WDR41: variants seen among roughly 807,000 people sequenced by gnomAD.
WDR41 encodes the protein WD repeat domain 41, also known as WD repeat-containing protein 41.
Under a neutral mutation model 69.3 loss-of-function variants are expected in WDR41, and 63 were observed. The observed-to-expected ratio is 0.91, with a 90% CI of 0.74 to 1.12. The LOEUF (loss-of-function observed/expected upper bound fraction) is 1.12. Ranked by LOEUF, WDR41 falls within the 50% of genes most tolerant of loss-of-function variation. The pLI, the probability that WDR41 is intolerant of heterozygous loss-of-function variation, is 0.00. For synonymous variants in WDR41, 185 were observed against 192.1 expected (o/e 0.96, Z 0.31); for missense variants, 543 against 534.5 (o/e 1.02, Z -0.16).
chr5:77,461,656 T>C (rs1800068524), intron 4 of WDR41, among the ~76,000 whole-genome samples: 1 of 152,038 alleles, frequency 6.6e-6, no homozygotes, highest in African/African-American at 2.4e-5. Context: ...GCCAATATGG[T>C]GAAACCCCGT....
At chr5:77,536,218 A>C (rs1283464532) in intron 1 of WDR41, among the ~76,000 whole-genome samples, 5 of 152,110 alleles carry the variant, frequency 3.3e-5, no homozygotes, top group African/African-American at 1.2e-4. Flanking sequence ...CCTGATGATT[A>C]ATTAGTCATT....
At chr5:77,437,518 G>A (rs141186097) in intron 10 of WDR41, 94 bp from the exon 11 acceptor site, 22 of 1,074,182 alleles carry the variant, frequency 2.0e-5, no homozygotes, top group Middle Eastern at 4.0e-4. Context: ...GCCCTCAACT[G>A]CTTTTATTCA....
chr5:77,494,034 G>T (rs1295710503), upstream of WDR41, among the ~76,000 whole-genome samples: 3 of 152,010 alleles, frequency 2.0e-5, no homozygotes, highest in African/African-American at 7.3e-5. Flanking sequence ...AATAGAAAGG[G>T]TGGGGGTGGA....
At chr5:77,441,689 G>C (rs910889240) in intron 8 of WDR41, among the ~76,000 whole-genome samples, 2 of 152,024 alleles carry the variant, frequency 1.3e-5, no homozygotes, top group Non-Finnish European at 2.9e-5. Context: ...AGTGAGCTGA[G>C]ATCGCGCCAC....
chr5:77,585,283 A>T (rs2112298106), intron 1 of WDR41, among the ~76,000 whole-genome samples: 1 of 152,242 alleles, frequency 6.6e-6, no homozygotes, highest in South Asian at 2.1e-4. Flanking sequence ...ATATCACCTC[A>T]CTCCTGCAAG....
Position 77,600,929 on chromosome 5 carries a change from A to ATGTGTGTGTGTG in WDR41, c.42+19538_42+19549dup, listed in dbSNP as rs71608111. The stretch of plus-strand genomic sequence containing the variant: ...AATTATATTATCTAACTCTGTGTGT[A>ATGTGTGTGTGTG]TGTGTGTGTGTGTGTGTGTGTGTGT... On this transcript the variant is annotated intron_variant, in intron 1 of 5. Transcript: ENST00000509971. 4.0e-3 allele frequency among the ~76,000 whole-genome samples: 573 copies of ATGTGTGTGTGTG among 144,194 alleles called. 3 individuals carry two copies. The highest frequency in any genetic ancestry group is 9.1e-3 in the African/African-American group (357 of 39,284). 94.6% of individuals were successfully genotyped at this position (144,194 alleles called of 152,430 possible).
At position 77,432,988 on chromosome 5, in the gene WDR41, A is replaced by G. The variant is rs1188429990; in HGVS notation, c.*147T>C. 2.6e-6 allele frequency: 2 copies of G among 779,016 alleles called. No individual in the cohort carries two copies. Among genetic ancestry groups the G allele is most frequent in the Non-Finnish European group, 4.0e-6 (2 of 505,824 alleles). 48.3% of individuals were successfully genotyped at this position (779,016 alleles called of 1,614,324 possible). A position where few individuals can be genotyped will look rare whatever the true frequency, so the allele number is the denominator to read the frequency against. On this transcript the variant is annotated 3_prime_UTR_variant, in exon 13 of 13. Transcript: ENST00000296679. ...GAGAAGCAACATGTTCCTGGTTGGT[A>G]GGTCCACAAAAAATTTAAACATGTA...
At chr5:77,579,960 T>C (rs939160005) in intron 1 of WDR41, among the ~76,000 whole-genome samples, 5 of 152,206 alleles carry the variant, frequency 3.3e-5, no homozygotes, top group Admixed American at 2.0e-4. Flanking sequence ...TGACCACAAA[T>C]TGATGATTGT....
chr5:77,488,649 A>G (rs79697711), intron 2 of WDR41, among the ~76,000 whole-genome samples: 2,800 of 152,242 alleles, frequency 0.018, 63 homozygotes, highest in African/African-American at 0.055. Flanking sequence ...ACGGCATTCA[A>G]TGTGGATGCT....
chr5:77,569,963 C>T (rs1416987163), intron 1 of WDR41, among the ~76,000 whole-genome samples: 1 of 152,176 alleles, frequency 6.6e-6, no homozygotes, highest in African/African-American at 2.4e-5. Flanking sequence ...ACAAGCACAT[C>T]CAGCAGATCC....
chr5:77,451,584 G>T, intron 6 of WDR41: 1 of 431,654 alleles, frequency 2.3e-6, no homozygotes, highest in Non-Finnish European at 4.2e-6. Context: ...TATGGGGTTG[G>T]GTTTTTTTGT....
At chr5:77,531,674 T>C (rs1283273278) in intron 1 of WDR41, among the ~76,000 whole-genome samples, 8 of 152,010 alleles carry the variant, frequency 5.3e-5, no homozygotes, top group African/African-American at 1.9e-4. Context: ...CATACGAATA[T>C]TTGTACATAG....
intron 2 of WDR41, among the ~76,000 whole-genome samples, chr5:77,488,413 C>A (rs1801616635): frequency 6.7e-6 from 1 of 149,214 alleles, no homozygotes; most frequent in Admixed American, 6.7e-5. Flanking sequence ...CCAGCCTGGG[C>A]AACATAGTGA....
chr5:77,438,365 G>T lies in WDR41; in HGVS notation c.883-4C>A. The T allele has an allele frequency of 6.2e-7, 1 of 1,613,668 alleles. No individual in the cohort carries two copies. Among genetic ancestry groups the T allele is most frequent in the South Asian group, 1.1e-5 (1 of 91,028 alleles). ...TTCCAACTGCAGCAAATACATTCTAGGGGAAGAAGTTCAGAAATGGGCATA... is the reference window on the plus strand; with the variant it reads ...TTCCAACTGCAGCAAATACATTCTATGGGAAGAAGTTCAGAAATGGGCATA... On this transcript the variant is annotated splice_polypyrimidine_tract_variant and splice_region_variant and intron_variant, in intron 9 of 12. Transcript: ENST00000296679.
chr5:77,616,618 A>G (rs60155151), intron 1 of WDR41, among the ~76,000 whole-genome samples: 8,340 of 152,260 alleles, frequency 0.055, 336 homozygotes, highest in East Asian at 0.18. Flanking sequence ...TGTGTTGCAT[A>G]CACATACATT....
intron 1 of WDR41, among the ~76,000 whole-genome samples, chr5:77,577,228 T>A (rs1743850887): frequency 1.3e-5 from 2 of 151,810 alleles, no homozygotes; most frequent in South Asian, 2.1e-4. Flanking sequence ...AAATTCACAA[T>A]CCATATACCA....
chr5:77,605,445 G>T (rs1478436258), intron 1 of WDR41, among the ~76,000 whole-genome samples: 1 of 152,210 alleles, frequency 6.6e-6, no homozygotes, highest in African/African-American at 2.4e-5. Flanking sequence ...GTGTGTGGTG[G>T]AAGTTGCCCA....
chr5:77,524,613 A>AT (rs70988688), intron 1 of WDR41, among the ~76,000 whole-genome samples: 43,311 of 150,720 alleles, frequency 0.29, 6,778 homozygotes, highest in East Asian at 0.42. Flanking sequence ...ATAAGACACA[A>AT]TTTTTTTTTT....
At position 77,620,501 on chromosome 5, in the gene WDR41, G is replaced by C. The variant is rs1197751385; in HGVS notation, c.20C>G (p.Ser7Ter). ...TACCTCACCAGTTTCCCCTGGACTTGAACAATTAGCTTCATGCATACATAA... is the reference window on the plus strand; with the variant it reads ...TACCTCACCAGTTTCCCCTGGACTTCAACAATTAGCTTCATGCATACATAA... The change falls in exon 1 of 6, where the codon TCA becomes TGA. Residue 7 changes from serine to a stop codon, truncating the protein, a stop_gained. Coordinates refer to the WDR41 transcript ENST00000509971. LOFTEE classifies it high-confidence loss of function. The C allele has an allele frequency of 5.2e-6, 2 of 384,832 alleles. No homozygotes were observed. Among genetic ancestry groups the C allele is most frequent in the Admixed American group, 2.9e-5 (1 of 34,056 alleles). 23.8% of individuals were successfully genotyped at this position (384,832 alleles called of 1,614,324 possible). A position where few individuals can be genotyped will look rare whatever the true frequency, so the allele number is the denominator to read the frequency against.
Sources: gnomAD v4.1 joint callset for allele counts (sites outside exome capture counted in the v4.1 genomes callset) on GRCh38, gnomAD v4.1.1 for gene constraint, MANE v1.5 for transcripts, NCBI Gene and HGNC (gene_info 2026-07-23, HGNC 2026-07-21) for gene names.